Variants in CRY2 observed in about 807,000 individuals in gnomAD.
The protein encoded by CRY2 is cryptochrome-2.
In CRY2, 31 loss-of-function variants were observed where a neutral mutation model predicts 69.5. That is an observed-to-expected ratio of 0.45 (90% CI 0.34 to 0.60). The LOEUF is 0.60. CRY2 is among the 20% of genes least tolerant of loss of function. The pLI is 0.02. For missense variants in CRY2, 606 were observed against 797.8 expected (o/e 0.76, Z 2.90); for synonymous variants, 303 against 312.2 (o/e 0.97, Z 0.31).
At chr11:45,878,654 G>A (rs1261688971) in intron 11 of CRY2, among the ~76,000 whole-genome samples, 1 of 152,202 alleles carries the variant, frequency 6.6e-6, no homozygotes, top group Non-Finnish European at 1.5e-5. Context: ...CAGGTGCGGT[G>A]GCTTACGCCT....
In CRY2 at chr11:45,867,659, C is replaced by G. The variant is rs1213488582; in HGVS notation, c.789C>G (p.Leu263=). Residue 263 remains leucine, a synonymous_variant, in exon 6 of 12, where the codon CTC becomes CTG. Transcript: ENST00000616080. ...YERPRMNANS[L]LASPTGLSPY... is the part of the protein sequence containing the mutation. ...GACCCCGAATGAACGCCAACTCCCT[C>G]CTGGCCAGCCCCACAGGCCTCAGCC... is the stretch of plus-strand genomic sequence containing the variant. 1 of 1,614,244 alleles carries G rather than the reference C, an allele frequency of 6.2e-7. No homozygotes were observed. The highest frequency in any genetic ancestry group is 1.1e-5 in the South Asian group (1 of 91,084).
At chr11:45,874,333 T>A (rs533615725) in intron 11 of CRY2, among the ~76,000 whole-genome samples, 56 of 152,114 alleles carry the variant, frequency 3.7e-4, no homozygotes, top group African/African-American at 1.2e-3. Context: ...TGGGGGTCTA[T>A]TAATAATAGC....
chr11:45,856,210 G>A, intron 2 of CRY2, 120 bp downstream of exon 2: 1 of 860,670 alleles, frequency 1.2e-6, no homozygotes, highest in Non-Finnish European at 1.8e-6. Context: ...TCTGGCTGTT[G>A]CTGCTAGAGA....
chr11:45,867,274 G>C (rs2086338661), intron 5 of CRY2, among the ~76,000 whole-genome samples: 1 of 152,206 alleles, frequency 6.6e-6, no homozygotes, highest in African/African-American at 2.4e-5. Flanking sequence ...TGTATAATTA[G>C]AGAGTTCATT....
intron 1 of CRY2, among the ~76,000 whole-genome samples, chr11:45,849,515 A>G (rs1472748201): frequency 6.6e-6 from 1 of 152,192 alleles, no homozygotes; most frequent in East Asian, 1.9e-4. Context: ...CATGAGAAAC[A>G]TAAGATAAGG....
intron 1 of CRY2, 60 bp downstream of exon 1, chr11:45,847,765 C>A: frequency 6.7e-7 from 1 of 1,482,048 alleles, no homozygotes; most frequent in Non-Finnish European, 9.0e-7. Context: ...CTGGGGTGAC[C>A]GGCGAACAGC....
chr11:45,866,819 C>T (rs2086334197), intron 5 of CRY2, among the ~76,000 whole-genome samples: 1 of 152,062 alleles, frequency 6.6e-6, no homozygotes, highest in Non-Finnish European at 1.5e-5. Flanking sequence ...CAGTGGCTCA[C>T]ACCTATAATC....
chr11:45,867,694 G>A lies in CRY2; in HGVS notation c.824G>A (p.Arg275His), dbSNP rs1437516691. 4.3e-6 allele frequency: 7 copies of A among 1,614,190 alleles called. No homozygotes were observed. The highest frequency in any genetic ancestry group is 1.7e-5 in the Admixed American group (1 of 60,018). ...CCCACAGGCCTCAGCCCCTACCTGC[G>A]CTTTGGTTGTCTCTCCTGCCGCCTC... ...ASPTGLSPYL[R>H]FGCLSCRLFY... Residue 275 changes from arginine to histidine, a missense_variant, in exon 6 of 12, where the codon CGC (arginine) becomes CAC (histidine). Physicochemically the swap from Arg to His is conservative, Grantham distance 29 (BLOSUM62 0). Transcript: ENST00000616080.
At chr11:45,856,332 A>G in intron 2 of CRY2, 1 of 470,770 alleles carries the variant, frequency 2.1e-6, no homozygotes. Flanking sequence ...CAGTCCAGAC[A>G]TAGGATGTGG....
chr11:45,875,263 T>A (rs1447012096), intron 11 of CRY2, among the ~76,000 whole-genome samples: 3 of 152,240 alleles, frequency 2.0e-5, no homozygotes, highest in African/African-American at 7.2e-5. Flanking sequence ...TAGTTATTAT[T>A]GTAGGTATTG....
chr11:45,861,028 G>T lies in CRY2; in HGVS notation c.648G>T (p.Glu216Asp). Residue 216 changes from glutamate to aspartate, a missense_variant, in exon 4 of 12, where the codon GAG becomes GAT. By Grantham distance (45) the Glu-to-Asp change is conservative. Coordinates refer to ENST00000616080, the MANE Select transcript of CRY2 (RefSeq NM_021117.5). The stretch of plus-strand genomic sequence containing the variant: ...CCTACGGCGTGCCCTCCCTGGAGGA[G>T]CTGGGTGCGTACTTCCTGCCCAGAG... ...DETYGVPSLE[E>D]LGFPTEGLGP... 1 of 1,611,776 alleles carries T rather than the reference G, an allele frequency of 6.2e-7. No individual in the cohort carries two copies.
At chr11:45,874,292 A>G (rs2086409356) in intron 11 of CRY2, among the ~76,000 whole-genome samples, 1 of 151,988 alleles carries the variant, frequency 6.6e-6, no homozygotes, top group Admixed American at 6.6e-5. Flanking sequence ...AAAAAAAAAA[A>G]GATTAAATGT....
At chr11:45,847,312 G>C, upstream of CRY2, 1 of 1,575,316 alleles carries the variant, frequency 6.3e-7, no homozygotes. Context: ...GCCTGTTCCG[G>C]CGCCTCTGGG....
At chr11:45,848,560 C>T (rs2086170467) in intron 1 of CRY2, among the ~76,000 whole-genome samples, 1 of 152,114 alleles carries the variant, frequency 6.6e-6, no homozygotes, top group African/African-American at 2.4e-5. Flanking sequence ...TCTGATGACC[C>T]CCCAGGAGAT....
intron 1 of CRY2, among the ~76,000 whole-genome samples, chr11:45,853,254 A>C (rs754825749): frequency 1.5e-4 from 23 of 152,210 alleles, no homozygotes; most frequent in Non-Finnish European, 3.1e-4. Context: ...AACAAGTAGA[A>C]TAGTGCCTGT....
At position 45,882,850 on chromosome 11, in the gene CRY2, T is replaced by C. The variant is rs2086486952; in HGVS notation, c.*1939T>C. On this transcript the variant is annotated 3_prime_UTR_variant, in exon 12 of 12. Transcript: ENST00000616080. ...GCAGGATGATTCCTTTTCCTGCCTG[T>C]CTGCTGCTGGCTCTCTTCCCTAAGG... The C allele has an allele frequency of 2.5e-6, 1 of 397,454 alleles. No individual in the cohort carries two copies. The highest frequency in any genetic ancestry group is 3.6e-5 in the East Asian group (1 of 28,052). 24.6% of individuals were successfully genotyped at this position (397,454 alleles called of 1,614,324 possible).
At chr11:45,864,037 A>G (rs1480680981) in intron 5 of CRY2, among the ~76,000 whole-genome samples, 2 of 152,226 alleles carry the variant, frequency 1.3e-5, no homozygotes, top group African/African-American at 2.4e-5. Context: ...TGCATTATGT[A>G]TTGGTGACTG....
chr11:45,850,052 C>G (rs1187685109), intron 1 of CRY2, among the ~76,000 whole-genome samples: 4 of 151,052 alleles, frequency 2.6e-5, no homozygotes, highest in Non-Finnish European at 5.9e-5. Context: ...AGTGACAACC[C>G]AAGCTGAAAT....
At position 45,867,601 on chromosome 11, in the gene CRY2, T is replaced by C; in HGVS notation, c.742-11T>C. ...AGCCTTTCCTTTTGCCACCTTCTCT[T>C]TCTGCTGTAGGCCTGGGTTGCCAAC... On this transcript the variant is annotated splice_polypyrimidine_tract_variant and intron_variant, in intron 5 of 11. Transcript: ENST00000616080. The C allele has an allele frequency of 6.2e-7, 1 of 1,614,112 alleles. No individual in the cohort carries two copies. The highest frequency in any genetic ancestry group is 8.5e-7 in the Non-Finnish European group (1 of 1,179,936).
Sources: gnomAD v4.1 joint callset for allele counts (sites outside exome capture counted in the v4.1 genomes callset) on GRCh38, gnomAD v4.1.1 for gene constraint, MANE v1.5 for transcripts, NCBI Gene and HGNC (gene_info 2026-07-23, HGNC 2026-07-21) for gene names.